Variants in DCDC1 observed in about 807,000 individuals in gnomAD.
DCDC1 encodes the protein doublecortin domain-containing protein 1.
In DCDC1, 200 loss-of-function variants were observed where a neutral mutation model predicts 178.3. That is an observed-to-expected ratio of 1.12 (90% CI 1.00 to 1.26). The LOEUF (loss-of-function observed/expected upper bound fraction) is 1.26, where lower values mean the gene tolerates loss of function less well. DCDC1 is among the 50% of genes most tolerant of loss of function. The pLI, the probability that DCDC1 is intolerant of heterozygous loss-of-function variation, is 0.00. For missense variants in DCDC1, 1,983 were observed against 1,749.2 expected (o/e 1.13, Z -2.38); for synonymous variants, 690 against 604.8 (o/e 1.14, Z -2.07).
At chr11:31,013,797 T>C (rs1294103538) in intron 20 of DCDC1, among the ~76,000 whole-genome samples, 1 of 152,240 alleles carries the variant, frequency 6.6e-6, no homozygotes, top group Non-Finnish European at 1.5e-5. Context: ...ATGCTTTCAT[T>C]TTTGTCTACA....
chr11:31,004,418 A>C (rs1387578625), intron 20 of DCDC1, among the ~76,000 whole-genome samples: 1 of 151,916 alleles, frequency 6.6e-6, no homozygotes, highest in Non-Finnish European at 1.5e-5. Flanking sequence ...GCACGTCTAT[A>C]ATCCCAGCAC....
intron 10 of DCDC1, among the ~76,000 whole-genome samples, chr11:31,131,599 T>G (rs764782687): frequency 2.6e-5 from 4 of 152,128 alleles, no homozygotes; most frequent in Non-Finnish European, 4.4e-5. Context: ...ACAGGACAGG[T>G]GGCTTGCATT....
chr11:30,916,737 TAA>T, intron 26 of DCDC1, 131 bp downstream of exon 26: 1 of 1,095,408 alleles, frequency 9.1e-7, no homozygotes, highest in Non-Finnish European at 1.2e-6. Context: ...ATCAAAAACA[TAA>T]GACAAAAATG....
chr11:31,147,402 G>T (rs1309235614), intron 9 of DCDC1, among the ~76,000 whole-genome samples: 2 of 152,064 alleles, frequency 1.3e-5, no homozygotes, highest in African/African-American at 4.8e-5. Flanking sequence ...CAAGGATATT[G>T]TCTTGTTGGA....
chr11:31,300,256 G>A (rs1382448809), intron 6 of DCDC1, among the ~76,000 whole-genome samples: 1 of 152,210 alleles, frequency 6.6e-6, no homozygotes, highest in Non-Finnish European at 1.5e-5. Context: ...TTTCCTGGCA[G>A]TGATGAAGAA....
In DCDC1 at chr11:31,103,679, C is replaced by CAAAAAGGTCTTATATGCAACCAAAA. The variant is rs1400252127; in HGVS notation, c.1841_1842insTTTTGGTTGCATATAAGACCTTTTT (p.Leu614PhefsTer6). The stretch of plus-strand genomic sequence containing the variant: ...CAGGTAGCAGAACAGCATTAGGATC[C>CAAAAAGGTCTTATATGCAACCAAAA]AAAAAGGTCTTATATGCAACCATGA... On this transcript the variant is annotated stop_gained and frameshift_variant, in exon 14 of 39. Transcript: ENST00000684477. LOFTEE classifies it high-confidence loss of function. 1 of 764,918 alleles carries CAAAAAGGTCTTATATGCAACCAAAA rather than the reference C, an allele frequency of 1.3e-6. No homozygotes were observed. The highest frequency in any genetic ancestry group is 2.4e-6 in the Non-Finnish European group (1 of 417,462). The allele number at this position is 764,918 out of a possible 1,614,324, so 47.4% of individuals were successfully genotyped here.
rs141413665 is a variant in DCDC1, at chr11:30,915,558, C to A, written c.3606G>T (p.Lys1202Asn). The A allele has an allele frequency of 3.5e-5, 57 of 1,613,932 alleles. No individual in the cohort carries two copies. The African/African-American group carries it at 6.3e-4, about 18-fold the overall frequency. ...AGCGCTGATGACTACCATCAGATTT[C>A]TTCTCCACCAAAACCACCTCCATGC... is the stretch of plus-strand genomic sequence containing the variant. ...RSGMEVVLVE[K>N]KSDGSHQRWI... is the part of the protein sequence containing the mutation. The change falls in exon 27 of 39, where the codon AAG (lysine) becomes AAT (asparagine). Residue 1202 changes from lysine (K) to asparagine (N), a missense_variant. Lys to Asn is a moderately conservative substitution (Grantham distance 94). Coordinates refer to ENST00000684477, the MANE Select transcript of DCDC1 (RefSeq NM_001387274.1).
chr11:30,940,596 C>T (rs1039963303), intron 21 of DCDC1, among the ~76,000 whole-genome samples: 1 of 152,176 alleles, frequency 6.6e-6, no homozygotes, highest in African/African-American at 2.4e-5. Flanking sequence ...AGGACCTAGA[C>T]TGAACCCCTG....
chr11:31,262,907 A>C, intron 8 of DCDC1: 1 of 696,714 alleles, frequency 1.4e-6, no homozygotes, highest in Non-Finnish European at 2.2e-6. Context: ...TAGTGGTTGC[A>C]CAGGCTAATT....
intron 1 of DCDC1, among the ~76,000 whole-genome samples, chr11:31,354,946 T>C (rs1951257683): frequency 6.6e-6 from 1 of 151,918 alleles, no homozygotes; most frequent in Admixed American, 6.6e-5. Flanking sequence ...GACCTTTTTT[T>C]CCCTGTAGAG....
chr11:31,346,483 A>AG (rs1409866945), intron 1 of DCDC1, among the ~76,000 whole-genome samples: 2 of 141,280 alleles, frequency 1.4e-5, no homozygotes, highest in East Asian at 3.9e-4. Context: ...AAAAAAAAAA[A>AG]AAAAAGAAAT....
intron 22 of DCDC1, among the ~76,000 whole-genome samples, chr11:30,931,201 T>A (rs907613906): frequency 3.3e-5 from 5 of 152,052 alleles, no homozygotes; most frequent in Non-Finnish European, 5.9e-5. Context: ...TTCTCCAATG[T>A]TGGAGAAAAT....
chr11:31,099,980 G>A (rs1187555514), intron 15 of DCDC1, among the ~76,000 whole-genome samples: 3 of 152,080 alleles, frequency 2.0e-5, no homozygotes, highest in Admixed American at 6.6e-5. Context: ...GCCTCCCAAA[G>A]TTCTTGGATT....
At chr11:31,332,844 G>T (rs1269633089) in intron 2 of DCDC1, among the ~76,000 whole-genome samples, 1 of 152,178 alleles carries the variant, frequency 6.6e-6, no homozygotes, top group Non-Finnish European at 1.5e-5. Flanking sequence ...GTGCTGAGAA[G>T]AATGTATATT....
chr11:31,062,663 A>G (rs987636191), intron 20 of DCDC1, among the ~76,000 whole-genome samples: 13 of 152,164 alleles, frequency 8.5e-5, no homozygotes. Context: ...TAAATAATAA[A>G]TTAAATAAAT....
intron 8 of DCDC1, among the ~76,000 whole-genome samples, chr11:31,245,037 G>A (rs1977659743): frequency 6.6e-6 from 1 of 151,232 alleles, no homozygotes; most frequent in Non-Finnish European, 1.5e-5. Context: ...CACTCACGCT[G>A]TTTCATTCCT....
intron 11 of DCDC1, among the ~76,000 whole-genome samples, chr11:31,124,375 T>C (rs1046602220): frequency 6.6e-6 from 1 of 152,166 alleles, no homozygotes; most frequent in African/African-American, 2.4e-5. Context: ...ATTTATAGAT[T>C]CAATTCTATT....
rs757082311 is a variant in DCDC1, at chr11:31,064,331, A to G, written c.2591+138T>C. On this transcript the variant is annotated intron_variant, in intron 20 of 38. Coordinates refer to ENST00000684477, the MANE Select transcript of DCDC1 (RefSeq NM_001387274.1). ...ATGTCACCTTTCTTCATCAAATGTG[A>G]CCCAAAAACTACTACGCTTGAAAGC... 24 of 590,240 alleles carry G rather than the reference A, an allele frequency of 4.1e-5. No homozygotes were observed. In the Middle Eastern group the frequency reaches 1.0e-3, roughly 25 times the overall value. The allele number at this position is 590,240 out of a possible 1,614,324, so 36.6% of individuals were successfully genotyped here. A position where few individuals can be genotyped will look rare whatever the true frequency, so the allele number is the denominator to read the frequency against.
At chr11:31,089,092 C>CT (rs1228617294) in intron 17 of DCDC1, among the ~76,000 whole-genome samples, 2 of 152,178 alleles carry the variant, frequency 1.3e-5, no homozygotes, top group Non-Finnish European at 2.9e-5. Context: ...AGGACTTCCT[C>CT]TAACATTGCT....
Sources: allele counts gnomAD v4.1 joint callset (sites outside exome capture counted in the v4.1 genomes callset), GRCh38; gene constraint gnomAD v4.1.1; transcripts MANE v1.5; gene names NCBI Gene and HGNC (gene_info 2026-07-23, HGNC 2026-07-21).